Variants in COL21A1 observed in about 807,000 individuals in gnomAD.
COL21A1 encodes collagen alpha-1(XXI) chain.
A neutral mutation model predicts 137.9 loss-of-function variants in COL21A1; 149 were observed. The ratio of observed to expected loss-of-function variants is 1.08; its 90% CI spans 0.95 to 1.24. COL21A1 has a LOEUF of 1.24. Among genes scored for constraint, COL21A1 ranks in the 50% most tolerant of loss-of-function variants. The pLI is 0.00. For synonymous variants in COL21A1, 456 were observed against 391.5 expected (o/e 1.16, Z -1.95); for missense variants, 1,167 against 1,158.4 (o/e 1.01, Z -0.11).
chr6:56,141,844 T>C lies in COL21A1; in HGVS notation c.1489-6A>G, dbSNP rs762640472. 3.7e-6 allele frequency: 6 copies of C among 1,613,440 alleles called. No homozygotes were observed. The highest frequency in any genetic ancestry group is 3.4e-6 in the Non-Finnish European group (4 of 1,179,614). On this transcript the variant is annotated splice_region_variant and splice_polypyrimidine_tract_variant and intron_variant, in intron 11 of 29. Coordinates refer to ENST00000244728, the MANE Select transcript of COL21A1 (RefSeq NM_030820.4). ...CCTGGTAGTCCTCGAGCTCCCTAAA[T>C]TAACCAGAAAATAAAATTTTGTTAA...
intron 9 of COL21A1, among the ~76,000 whole-genome samples, chr6:56,163,226 T>C (rs1457677001): frequency 6.6e-6 from 1 of 152,204 alleles, no homozygotes; most frequent in Non-Finnish European, 1.5e-5. Flanking sequence ...AGGTGATCAA[T>C]ACACATAAAC....
chr6:56,176,560 G>A (rs1469356134), intron 3 of COL21A1, among the ~76,000 whole-genome samples: 1 of 144,890 alleles, frequency 6.9e-6, no homozygotes, highest in East Asian at 2.1e-4. Context: ...ATACTACAAT[G>A]AAATGTTACC....
intron 9 of COL21A1, among the ~76,000 whole-genome samples, 156 bp from the exon 10 acceptor site, chr6:56,157,105 TAATA>T (rs1481875633): frequency 6.6e-6 from 1 of 151,922 alleles, no homozygotes; most frequent in Admixed American, 6.6e-5. Context: ...AATGCTTACT[TAATA>T]AATAATGCAT....
chr6:56,189,266 G>A (rs534551572), intron 1 of COL21A1, among the ~76,000 whole-genome samples: 10 of 151,918 alleles, frequency 6.6e-5, no homozygotes, highest in African/African-American at 2.4e-4. Flanking sequence ...GTTTAGAGAA[G>A]AATATAAATG....
At chr6:56,177,791 C>CAAAAAA (rs3065941) in intron 3 of COL21A1, among the ~76,000 whole-genome samples, 3 of 69,366 alleles carry the variant, frequency 4.3e-5, no homozygotes, top group African/African-American at 1.2e-4. Flanking sequence ...GACTCTGCCT[C>CAAAAAA]AAAAAAAAAA....
At chr6:56,193,765 T>G (rs1420656995) in intron 1 of COL21A1, among the ~76,000 whole-genome samples, 3 of 111,460 alleles carry the variant, frequency 2.7e-5, no homozygotes, top group East Asian at 6.8e-4. Context: ...TTTTTGTTTT[T>G]TTTTTTTTTT....
chr6:56,286,861 A>G (rs560690880), intron 1 of COL21A1, among the ~76,000 whole-genome samples: 1 of 152,338 alleles, frequency 6.6e-6, no homozygotes, highest in South Asian at 2.1e-4. Flanking sequence ...CCTGGAGAGG[A>G]AAAGAATGTT....
intron 1 of COL21A1, among the ~76,000 whole-genome samples, chr6:56,206,380 A>G (rs1241961499): frequency 6.6e-6 from 1 of 152,090 alleles, no homozygotes. Context: ...AACAAAGATC[A>G]AAAGAGACAA....
At chr6:56,127,118 G>T (rs1773109233) in intron 12 of COL21A1, among the ~76,000 whole-genome samples, 1 of 151,990 alleles carries the variant, frequency 6.6e-6, no homozygotes, top group African/African-American at 2.4e-5. Flanking sequence ...TTCCCACCAT[G>T]AATGCAGAGG....
At chr6:56,064,082 GTGTCTGTTC>G (rs1337603739) in intron 24 of COL21A1, among the ~76,000 whole-genome samples, 1 of 152,106 alleles carries the variant, frequency 6.6e-6, no homozygotes, top group Non-Finnish European at 1.5e-5. Context: ...ATCTTACTGT[GTGTCTGTTC>G]TACAACACTG....
chr6:56,298,404 T>C (rs1283820227), intron 1 of COL21A1, among the ~76,000 whole-genome samples: 2 of 152,134 alleles, frequency 1.3e-5, no homozygotes, highest in Admixed American at 6.6e-5. Context: ...TGCCTTTCAC[T>C]GAAACAGTAA....
intron 1 of COL21A1, among the ~76,000 whole-genome samples, chr6:56,313,388 T>C (rs982127305): frequency 6.6e-5 from 10 of 151,974 alleles, no homozygotes; most frequent in Admixed American, 5.2e-4. Context: ...CAACATATCA[T>C]AGGATGCATG....
chr6:56,197,136 A>G (rs1433338319), intron 1 of COL21A1, among the ~76,000 whole-genome samples: 4 of 152,110 alleles, frequency 2.6e-5, no homozygotes, highest in Non-Finnish European at 5.9e-5. Flanking sequence ...TCTTCAACAA[A>G]TAATGCTGGG....
intron 1 of COL21A1, among the ~76,000 whole-genome samples, chr6:56,350,041 C>G (rs1187017753): frequency 1.3e-5 from 2 of 152,150 alleles, no homozygotes; most frequent in African/African-American, 4.8e-5. Context: ...AATTAGCCAC[C>G]AACTCCCGAA....
At chr6:56,128,050 G>A (rs906782994) in intron 12 of COL21A1, among the ~76,000 whole-genome samples, 4 of 152,160 alleles carry the variant, frequency 2.6e-5, no homozygotes, top group African/African-American at 9.7e-5. Flanking sequence ...ACACACAATT[G>A]TGCTGGAAGG....
chr6:56,367,679 T>C (rs377219951), intron 1 of COL21A1, among the ~76,000 whole-genome samples: 2 of 152,190 alleles, frequency 1.3e-5, no homozygotes, highest in African/African-American at 2.4e-5. Context: ...AATATCCTCA[T>C]TGTTTAAGCT....
At chr6:56,383,675 C>T (rs1019973910) in intron 1 of COL21A1, among the ~76,000 whole-genome samples, 3 of 152,318 alleles carry the variant, frequency 2.0e-5, no homozygotes, top group Non-Finnish European at 2.9e-5. Context: ...AGAGGGCTAA[C>T]ATCAAAGTCA....
chr6:56,355,302 G>C (rs1765805415), intron 1 of COL21A1, among the ~76,000 whole-genome samples: 1 of 152,160 alleles, frequency 6.6e-6, no homozygotes, highest in Non-Finnish European at 1.5e-5. Context: ...ACAGTGGACA[G>C]AGAAGTTCAT....
chr6:56,331,753 G>A (rs962700390), intron 1 of COL21A1: 1 of 151,976 alleles, frequency 6.6e-6, no homozygotes, highest in African/African-American at 2.4e-5. Context: ...GACTGCTTTG[G>A]CTAATTGAAC....
Sources: allele counts gnomAD v4.1 joint callset (sites outside exome capture counted in the v4.1 genomes callset), GRCh38; gene constraint gnomAD v4.1.1; transcripts MANE v1.5; gene names NCBI Gene and HGNC (gene_info 2026-07-23, HGNC 2026-07-21).